BIRC6: variants seen among roughly 807,000 people sequenced by gnomAD.
The protein encoded by BIRC6 is dual E2 ubiquitin-conjugating enzyme/E3 ubiquitin-protein ligase BIRC6.
A neutral mutation model predicts 503.3 loss-of-function variants in BIRC6; 98 were observed. The ratio of observed to expected loss-of-function variants is 0.19; its 90% CI spans 0.17 to 0.23. The LOEUF (loss-of-function observed/expected upper bound fraction) is 0.23. BIRC6 is among the 10% of genes least tolerant of loss of function. The pLI, the probability that BIRC6 is intolerant of heterozygous loss-of-function variation, is 1.00. For missense variants in BIRC6, 5,360 were observed against 5,806.0 expected, an observed-to-expected ratio of 0.92 and a Z score of 2.50; for synonymous variants, 2,240 against 2,078.7, an observed-to-expected ratio of 1.08 and a Z score of -2.11.
At chr2:32,581,620 G>A (rs1320566928) in intron 66 of BIRC6, among the ~76,000 whole-genome samples, 1 of 152,160 alleles carries the variant, frequency 6.6e-6, no homozygotes, top group Non-Finnish European at 1.5e-5. Context: ...ATAGGAGACA[G>A]TGTAAACATG....
intron 49 of BIRC6, among the ~76,000 whole-genome samples, chr2:32,504,417 C>A (rs2053569462): frequency 1.3e-5 from 2 of 151,848 alleles, no homozygotes; most frequent in Non-Finnish European, 2.9e-5. Context: ...CCTGTAATCC[C>A]AGCACTTTGG....
At chr2:32,549,625 C>A in intron 65 of BIRC6, 144 bp downstream of exon 65, 1 of 688,808 alleles carries the variant, frequency 1.5e-6, no homozygotes, top group Non-Finnish European at 2.1e-6. Context: ...GTTTTTGGTG[C>A]CCTTAATTTG....
intron 5 of BIRC6, among the ~76,000 whole-genome samples, chr2:32,395,184 A>G (rs1573907103): frequency 6.6e-6 from 1 of 152,056 alleles, no homozygotes; most frequent in Non-Finnish European, 1.5e-5. Context: ...AACAGAAACA[A>G]ATAGTGTAAA....
rs151102914 is a variant in BIRC6 at position 32,374,101 on chromosome 2, C to T, written c.326-3487C>T. Among the ~76,000 whole-genome samples, 1,149 of 152,134 alleles carry T rather than the reference C, an allele frequency of 7.6e-3. 8 individuals carry two copies. The highest frequency in any genetic ancestry group is 0.02 in the Middle Eastern group (6 of 294). On this transcript the variant is annotated intron_variant, in intron 1 of 73. Coordinates refer to ENST00000421745, the MANE Select transcript of BIRC6 (RefSeq NM_016252.4). ...TAAAGCGTACAGAGTTTCCCTTTAT[C>T]CTGATGGATAAACAACAGCATGAAT...
At chr2:32,483,784 A>AG (rs1383540927) in intron 39 of BIRC6, among the ~76,000 whole-genome samples, 1 of 152,160 alleles carries the variant, frequency 6.6e-6, no homozygotes, top group African/African-American at 2.4e-5. Context: ...GCATCTTCGA[A>AG]GGAATATTCC....
intron 1 of BIRC6, among the ~76,000 whole-genome samples, chr2:32,376,678 G>A (rs1322995018): frequency 1.3e-5 from 2 of 152,080 alleles, no homozygotes; most frequent in African/African-American, 4.8e-5. Context: ...AAAAATTTAT[G>A]TATGAGTGGT....
At chr2:32,530,293 C>T (rs559106442) in intron 60 of BIRC6, among the ~76,000 whole-genome samples, 2 of 152,232 alleles carry the variant, frequency 1.3e-5, no homozygotes, top group East Asian at 3.9e-4. Flanking sequence ...TCACTGCAAC[C>T]TCCGCCTCCC....
chr2:32,377,818 GAC>G (rs2037028664), intron 2 of BIRC6, 49 bp downstream of exon 2: 1 of 1,441,330 alleles, frequency 6.9e-7, no homozygotes. Context: ...TGTAATCTTA[GAC>G]ATATTAGATG....
intron 10 of BIRC6, among the ~76,000 whole-genome samples, chr2:32,420,937 ATT>A (rs70938343): frequency 0.36 from 46,279 of 128,206 alleles, 7,996 homozygotes; most frequent in East Asian, 0.66. Context: ...TGTTTTATTG[ATT>A]TTTTTTTTTT....
At chr2:32,461,343 A>AGTGTGTGTGT (rs373274536) in intron 23 of BIRC6, among the ~76,000 whole-genome samples, 2,299 of 132,082 alleles carry the variant, frequency 0.017, 60 homozygotes, top group African/African-American at 0.054. Context: ...ATGCCTGGCT[A>AGTGTGTGTGT]GTGTGTGTGT....
chr2:32,362,761 A>G (rs574309418), intron 1 of BIRC6, among the ~76,000 whole-genome samples: 1 of 152,312 alleles, frequency 6.6e-6, no homozygotes, highest in Non-Finnish European at 1.5e-5. Flanking sequence ...GGACACAGAT[A>G]GCTTGGGTTA....
At chr2:32,583,503 C>A (rs920612581) in intron 66 of BIRC6, among the ~76,000 whole-genome samples, 3 of 152,294 alleles carry the variant, frequency 2.0e-5, no homozygotes, top group Admixed American at 2.0e-4. Context: ...GATAGCATTC[C>A]TTCTGGAGGA....
intron 73 of BIRC6, among the ~76,000 whole-genome samples, chr2:32,615,703 C>A (rs1228469275): frequency 6.6e-6 from 1 of 152,118 alleles, no homozygotes; most frequent in Non-Finnish European, 1.5e-5. Context: ...TGTGCGATCT[C>A]AGCTCACTGG....
At chr2:32,423,618 T>C (rs900886296) in intron 10 of BIRC6, among the ~76,000 whole-genome samples, 1 of 152,222 alleles carries the variant, frequency 6.6e-6, no homozygotes, top group Non-Finnish European at 1.5e-5. Context: ...CACCCATGTA[T>C]CACATCTTGG....
chr2:32,393,946 C>G (rs923551342), intron 5 of BIRC6, among the ~76,000 whole-genome samples: 25 of 145,540 alleles, frequency 1.7e-4, no homozygotes, highest in South Asian at 2.1e-4. Context: ...AACCAGAAAA[C>G]TATATATATA....
chr2:32,529,764 G>A lies in BIRC6; in HGVS notation c.12034G>A (p.Val4012Ile). ...IDLTVKLGSR[V>I]ITDPSLSKTD... is the part of the protein sequence containing the mutation. ...TCTGACTGTTAAATTGGGATCAAGA[G>A]TTATAACAGACCCCAGTCTATCAAA... The change falls in exon 60 of 74, where the codon GTT becomes ATT. Residue 4012 changes from valine to isoleucine, a missense_variant. Physicochemically the swap from Val to Ile is conservative, Grantham distance 29. Coordinates refer to ENST00000421745, the MANE Select transcript of BIRC6 (RefSeq NM_016252.4). The A allele has an allele frequency of 6.2e-7, 1 of 1,613,560 alleles. No homozygotes were observed. Among genetic ancestry groups the A allele is most frequent in the Non-Finnish European group, 8.5e-7 (1 of 1,179,670 alleles).
chr2:32,413,424 C>A (rs1377198168), intron 9 of BIRC6, among the ~76,000 whole-genome samples: 1 of 151,954 alleles, frequency 6.6e-6, no homozygotes, highest in African/African-American at 2.4e-5. Flanking sequence ...AGGTGATCTG[C>A]CCGCCTCAGC....
At position 32,468,645 on chromosome 2, in the gene BIRC6, G is replaced by A. The variant is rs1289410914; in HGVS notation, c.5989G>A (p.Ala1997Thr). Residue 1997 changes from alanine (A) to threonine (T), a missense_variant, in exon 29 of 74, where the codon GCG (alanine) becomes ACG (threonine). Ala to Thr is a moderately conservative substitution (Grantham distance 58). Around this residue, in one of 16 missense-constraint regions of BIRC6, gnomAD observed 2,299 missense variants for 2,267.2 expected, o/e 1.01. Transcript: ENST00000421745. Reference sequence around the variant, plus strand: ...TAATGCAGTGCAGAGGCTCAAAGTGGCGCTAGGTGCAAGCCGGAAGATGTT... The same window carrying A: ...TAATGCAGTGCAGAGGCTCAAAGTGACGCTAGGTGCAAGCCGGAAGATGTT... ...AHNAVQRLKV[A>T]LGASRKMLSE... 1.2e-6 allele frequency: 2 copies of A among 1,613,890 alleles called. No homozygotes were observed. Among genetic ancestry groups the A allele is most frequent in the Non-Finnish European group, 1.7e-6 (2 of 1,179,878 alleles).
intron 45 of BIRC6, among the ~76,000 whole-genome samples, chr2:32,497,357 C>A (rs2149411792): frequency 6.6e-6 from 1 of 152,304 alleles, no homozygotes; most frequent in East Asian, 1.9e-4. Context: ...AAGGTAGACA[C>A]CCTTGGTCAT....
Sources: allele counts gnomAD v4.1 joint callset (sites outside exome capture counted in the v4.1 genomes callset), GRCh38; gene constraint gnomAD v4.1.1; regional missense constraint gnomAD v4.1.1; transcripts MANE v1.5; gene names NCBI Gene and HGNC (gene_info 2026-07-23, HGNC 2026-07-21).